The following GRM8 variants were observed in gnomAD, a reference collection of about 807,000 sequenced individuals.
GRM8 encodes glutamate metabotropic receptor 8, also known as metabotropic glutamate receptor 8.
A neutral mutation model predicts 87.2 loss-of-function variants in GRM8; 47 were observed. The observed-to-expected ratio is 0.54, with a 90% CI of 0.43 to 0.69. The LOEUF is 0.69. Ranked by LOEUF, GRM8 falls within the 30% of genes least tolerant of loss-of-function variation. The pLI, the probability that GRM8 is intolerant of heterozygous loss-of-function variation, is 0.00. For missense variants in GRM8, 1,019 were observed against 1,139.2 expected, an observed-to-expected ratio of 0.89 and a Z score of 1.52; for synonymous variants, 396 against 404.5, an observed-to-expected ratio of 0.98 and a Z score of 0.25.
chr7:127,058,297 A>C (rs11563750), intron 3 of GRM8: 26,804 of 359,654 alleles, frequency 0.075, 1,247 homozygotes, highest in South Asian at 0.12. Flanking sequence ...AGGCGAGAAC[A>C]GCAACTGGAC....
At chr7:127,226,861 G>T (rs979711633) in intron 2 of GRM8, among the ~76,000 whole-genome samples, 1 of 152,152 alleles carries the variant, frequency 6.6e-6, no homozygotes, top group Admixed American at 6.5e-5. Flanking sequence ...TGTTTCTACC[G>T]GCTTGCACGC....
intron 9 of GRM8, among the ~76,000 whole-genome samples, chr7:126,451,126 C>A (rs547693554): frequency 7.1e-4 from 108 of 151,932 alleles, no homozygotes; most frequent in African/African-American, 2.5e-3. Context: ...CACTTATATA[C>A]TGACAAATTC....
At chr7:127,108,250 T>C (rs1202985122) in intron 2 of GRM8, among the ~76,000 whole-genome samples, 1 of 152,164 alleles carries the variant, frequency 6.6e-6, no homozygotes, top group Non-Finnish European at 1.5e-5. Flanking sequence ...CACCAAATCT[T>C]GCCCTTTCTC....
At chr7:126,752,719 A>G (rs577680748) in intron 7 of GRM8, among the ~76,000 whole-genome samples, 20 of 152,260 alleles carry the variant, frequency 1.3e-4, no homozygotes, top group African/African-American at 4.6e-4. Flanking sequence ...ATTTACTATG[A>G]TGGTTACACA....
intron 3 of GRM8, among the ~76,000 whole-genome samples, chr7:126,978,608 C>A (rs1421754595): frequency 2.6e-5 from 4 of 152,206 alleles, no homozygotes; most frequent in African/African-American, 9.6e-5. Flanking sequence ...ATCACTCTCT[C>A]TCCTGAAGAT....
chr7:126,514,543 T>C (rs1269895250), intron 9 of GRM8, among the ~76,000 whole-genome samples: 1 of 152,108 alleles, frequency 6.6e-6, no homozygotes. Flanking sequence ...TCTCTTTCTC[T>C]AAGCTTTTAC....
chr7:126,533,708 C>G lies in GRM8; in HGVS notation c.1674G>C (p.Leu558=). The G allele has an allele frequency of 6.2e-7, 1 of 1,614,092 alleles. No homozygotes were observed. Among genetic ancestry groups the G allele is most frequent in the Non-Finnish European group, 8.5e-7 (1 of 1,180,020 alleles). The part of the protein sequence containing the change: ...VDELSCELCP[L]DQRPNMNRTG... ...TGCGGTTCATGTTGGGTCTCTGATC[C>G]AGAGGGCAAAGTTCACAGGACAGCT... is the stretch of plus-strand genomic sequence containing the variant. Residue 558 remains leucine (L), a synonymous_variant, in exon 9 of 11, where the codon CTG becomes CTC. Transcript: ENST00000339582.
chr7:126,809,959 A>G (rs1793133251), intron 6 of GRM8, among the ~76,000 whole-genome samples: 1 of 152,208 alleles, frequency 6.6e-6, no homozygotes, highest in Non-Finnish European at 1.5e-5. Context: ...CTGTAAGAGG[A>G]ATTCCACTTA....
chr7:127,066,802 C>A (rs17862280), intron 3 of GRM8, among the ~76,000 whole-genome samples: 1,662 of 152,232 alleles, frequency 0.011, 23 homozygotes, highest in Non-Finnish European at 0.016. Context: ...TTCCCCCTAC[C>A]CTTCCCAGCC....
chr7:126,721,116 A>C (rs1179067924), intron 7 of GRM8, among the ~76,000 whole-genome samples: 2 of 152,210 alleles, frequency 1.3e-5, no homozygotes, highest in Non-Finnish European at 2.9e-5. Context: ...GTGTGAACAG[A>C]ATGTTATCTG....
chr7:126,525,991 T>G (rs537651185), intron 9 of GRM8, among the ~76,000 whole-genome samples: 110 of 152,288 alleles, frequency 7.2e-4, no homozygotes, highest in African/African-American at 2.6e-3. Context: ...TTTCCACACT[T>G]TAAGGTAGGT....
chr7:126,525,736 T>A (rs1813722470), intron 9 of GRM8, among the ~76,000 whole-genome samples: 1 of 152,194 alleles, frequency 6.6e-6, no homozygotes, highest in Non-Finnish European at 1.5e-5. Context: ...TGGCTTCCTC[T>A]CATTCTCTCT....
At chr7:126,543,850 C>A (rs1014435091) in intron 8 of GRM8, among the ~76,000 whole-genome samples, 2 of 152,134 alleles carry the variant, frequency 1.3e-5, no homozygotes, top group East Asian at 3.9e-4. Flanking sequence ...AAAACATGAT[C>A]AAATGGTAAC....
intron 2 of GRM8, among the ~76,000 whole-genome samples, chr7:127,158,453 G>T (rs1489833580): frequency 6.6e-6 from 1 of 152,158 alleles, no homozygotes; most frequent in Non-Finnish European, 1.5e-5. Flanking sequence ...AATCATTACT[G>T]CCGCTATAAT....
chr7:126,978,904 A>C (rs1396643564), intron 3 of GRM8, among the ~76,000 whole-genome samples: 4 of 152,164 alleles, frequency 2.6e-5, no homozygotes, highest in Non-Finnish European at 4.4e-5. Flanking sequence ...ATCTCCTATA[A>C]AACAGGAATT....
Position 127,193,064 on chromosome 7 carries a change from T to C in GRM8, c.510+49631A>G, listed in dbSNP as rs140124473. On this transcript the variant is annotated intron_variant, in intron 2 of 10. Coordinates refer to ENST00000339582, the MANE Select transcript of GRM8 (RefSeq NM_000845.3). ...GTCCATATAGCTACCATAAGACTTA[T>C]GTAAGTATTCACTGTTTCCCTAATA... 1.8e-3 allele frequency among the ~76,000 whole-genome samples: 275 copies of C among 152,348 alleles called. 1 individual carries two copies. The highest frequency in any genetic ancestry group is 6.1e-3 in the African/African-American group (255 of 41,582).
chr7:126,984,182 T>A (rs1398649762), intron 3 of GRM8, among the ~76,000 whole-genome samples: 1 of 152,224 alleles, frequency 6.6e-6, no homozygotes, highest in Admixed American at 6.5e-5. Flanking sequence ...TTGTATTATG[T>A]TAGGCATAAT....
intron 6 of GRM8, among the ~76,000 whole-genome samples, chr7:126,841,022 A>C (rs1215484229): frequency 6.6e-6 from 1 of 152,264 alleles, no homozygotes; most frequent in Non-Finnish European, 1.5e-5. Flanking sequence ...TAATGCATGC[A>C]TTGGCAGTAT....
chr7:126,956,763 A>G (rs954628454), intron 3 of GRM8, among the ~76,000 whole-genome samples: 1 of 152,240 alleles, frequency 6.6e-6, no homozygotes, highest in Non-Finnish European at 1.5e-5. Context: ...ATAGGAAGAG[A>G]TCAATAGCTT....
Sources: allele counts gnomAD v4.1 joint callset (sites outside exome capture counted in the v4.1 genomes callset), GRCh38; gene constraint gnomAD v4.1.1; transcripts MANE v1.5; gene names NCBI Gene and HGNC (gene_info 2026-07-23, HGNC 2026-07-21).